The following ODAD2 variants were observed in gnomAD, a reference collection of about 807,000 sequenced individuals.
ODAD2 encodes the protein outer dynein arm docking complex subunit 2.
Under a neutral mutation model 106.8 loss-of-function variants are expected in ODAD2, and 89 were observed. That is an observed-to-expected ratio of 0.83 (90% CI 0.70 to 0.99). The LOEUF (loss-of-function observed/expected upper bound fraction) is 0.99. Ranked by LOEUF, ODAD2 falls within the 50% of genes least tolerant of loss-of-function variation. The pLI, the probability that ODAD2 is intolerant of heterozygous loss-of-function variation, is 0.00. For missense variants in ODAD2, 1,168 were observed against 1,238.5 expected (o/e 0.94, Z 0.85); for synonymous variants, 404 against 436.2 (o/e 0.93, Z 0.92).
chr10:27,896,365 C>T (rs1421175616), intron 17 of ODAD2, among the ~76,000 whole-genome samples: 1 of 152,142 alleles, frequency 6.6e-6, no homozygotes, highest in Non-Finnish European at 1.5e-5. Flanking sequence ...ATTAGGATCC[C>T]TTTGATAACT....
intron 10 of ODAD2, among the ~76,000 whole-genome samples, chr10:27,959,692 T>G (rs1847990614): frequency 6.6e-6 from 1 of 152,136 alleles, no homozygotes; most frequent in African/African-American, 2.4e-5. Flanking sequence ...CCTAGGAATT[T>G]TCATGAGTTC....
chr10:27,827,064 A>C (rs1031010422), intron 19 of ODAD2, among the ~76,000 whole-genome samples: 1 of 152,154 alleles, frequency 6.6e-6, no homozygotes, highest in Admixed American at 6.5e-5. Flanking sequence ...ACTTTTCAAT[A>C]ACACTTGTCC....
At chr10:27,936,195 A>G (rs867607413) in intron 15 of ODAD2, among the ~76,000 whole-genome samples, 4 of 152,240 alleles carry the variant, frequency 2.6e-5, no homozygotes, top group Middle Eastern at 3.2e-3. Context: ...TCTCTCAAAA[A>G]TAGGAAGAGA....
At chr10:27,996,758 A>C (rs984515248) in intron 1 of ODAD2, among the ~76,000 whole-genome samples, 1 of 152,202 alleles carries the variant, frequency 6.6e-6, no homozygotes, top group Non-Finnish European at 1.5e-5. Flanking sequence ...AAATGACACC[A>C]TTGATGGCAA....
intron 19 of ODAD2, among the ~76,000 whole-genome samples, chr10:27,838,557 A>C (rs1838074965): frequency 6.6e-6 from 1 of 152,230 alleles, no homozygotes; most frequent in Non-Finnish European, 1.5e-5. Flanking sequence ...GTGGTTTAGC[A>C]AAAGGGCCAA....
chr10:27,839,160 TC>T (rs1838126397), intron 19 of ODAD2, among the ~76,000 whole-genome samples: 1 of 152,194 alleles, frequency 6.6e-6, no homozygotes, highest in Admixed American at 6.6e-5. Context: ...GGAATAACTC[TC>T]CCGTCCAAAA....
chr10:27,925,784 A>C (rs1845212370), intron 16 of ODAD2, among the ~76,000 whole-genome samples: 1 of 152,218 alleles, frequency 6.6e-6, no homozygotes, highest in Non-Finnish European at 1.5e-5. Flanking sequence ...ATTATGAACA[A>C]GACAAAGAGG....
At chr10:27,989,719 C>T (rs755625187) in intron 2 of ODAD2, among the ~76,000 whole-genome samples, 4 of 152,124 alleles carry the variant, frequency 2.6e-5, no homozygotes, top group Non-Finnish European at 5.9e-5. Context: ...CATGGTGGCA[C>T]GTGCTTTGGT....
In ODAD2 at chr10:27,842,330, A is replaced by G. The variant is rs370801863; in HGVS notation, c.3021+18295T>C. On this transcript the variant is annotated intron_variant, in intron 19 of 19. Coordinates refer to ENST00000305242, the MANE Select transcript of ODAD2 (RefSeq NM_018076.5). The stretch of plus-strand genomic sequence containing the variant: ...TCCTGCCCATGTGGAGAATCTCTAC[A>G]CTGTATCTTTATTTCATTTCTTTGA... 1.5e-4 allele frequency among the ~76,000 whole-genome samples: 23 copies of G among 152,254 alleles called. 1 individual carries two copies. The South Asian group carries it at 3.9e-3, about 26-fold the overall frequency.
At chr10:27,855,546 T>C (rs994031315) in intron 19 of ODAD2, among the ~76,000 whole-genome samples, 2 of 152,220 alleles carry the variant, frequency 1.3e-5, no homozygotes, top group Non-Finnish European at 2.9e-5. Context: ...TATATTTAGA[T>C]AAAACATTAA....
intron 10 of ODAD2, among the ~76,000 whole-genome samples, chr10:27,947,769 A>AGT (rs1847041123): frequency 6.6e-6 from 1 of 152,196 alleles, no homozygotes. Context: ...GACATGGAAC[A>AGT]GTGTGTCATA....
chr10:27,974,442 A>T (rs932668599), intron 7 of ODAD2, among the ~76,000 whole-genome samples: 1 of 152,236 alleles, frequency 6.6e-6, no homozygotes, highest in Admixed American at 6.5e-5. Flanking sequence ...AATCTTCTGC[A>T]TATGGCTAGC....
At position 27,944,949 on chromosome 10, in the gene ODAD2, G is replaced by A. The variant is rs750072681; in HGVS notation, c.1400C>T (p.Thr467Ile). The A allele has an allele frequency of 5.0e-6, 8 of 1,614,088 alleles. No individual in the cohort carries two copies. The East Asian group carries it at 1.6e-4, about 31-fold the overall frequency. ...TGAACACAACGCAATCACTGTAGCT[G>A]TTTGATTTCCTCCCTACAAAGATGC... ...LVKYLKGGNQ[T>I]ATVIALCSMR... The change falls in exon 11 of 20, where the codon ACA becomes ATA. Residue 467 changes from threonine (T) to isoleucine (I), a missense_variant. This residue lies in a region of ODAD2 where 37 missense variants were observed against 74.1 expected (regional missense o/e 0.50). Transcript: ENST00000305242.
intron 13 of ODAD2, 52 bp from the exon 14 acceptor site, chr10:27,940,059 C>G (rs745562035): frequency 1.0e-5 from 13 of 1,255,040 alleles, no homozygotes; most frequent in Non-Finnish European, 1.5e-5. Flanking sequence ...ATATAAGTAA[C>G]TGTTTACATT....
chr10:27,841,040 T>A (rs1215775584), intron 19 of ODAD2, among the ~76,000 whole-genome samples: 1 of 152,202 alleles, frequency 6.6e-6, no homozygotes, highest in Non-Finnish European at 1.5e-5. Flanking sequence ...TTATTCTTTT[T>A]AAAATAGATC....
chr10:27,857,264 T>C (rs748327180), intron 19 of ODAD2, among the ~76,000 whole-genome samples: 8 of 152,236 alleles, frequency 5.3e-5, no homozygotes, highest in South Asian at 2.1e-4. Context: ...CTCTTCCTTA[T>C]GATTCTCATA....
intron 17 of ODAD2, among the ~76,000 whole-genome samples, chr10:27,878,353 A>G (rs1841483874): frequency 6.6e-6 from 1 of 152,240 alleles, no homozygotes. Flanking sequence ...TTGAGACATT[A>G]TTTACAGATT....
chr10:27,979,440 A>C (rs1849404641), intron 7 of ODAD2, among the ~76,000 whole-genome samples: 1 of 129,322 alleles, frequency 7.7e-6, no homozygotes, highest in African/African-American at 3.1e-5. Flanking sequence ...ACACACACAC[A>C]CCCATACACA....
intron 10 of ODAD2, among the ~76,000 whole-genome samples, chr10:27,955,060 C>A (rs1847623616): frequency 6.6e-6 from 1 of 152,132 alleles, no homozygotes; most frequent in Admixed American, 6.5e-5. Flanking sequence ...AAAGCTCAAC[C>A]CACATCAATG....
Sources: gnomAD v4.1 joint callset for allele counts (sites outside exome capture counted in the v4.1 genomes callset) on GRCh38, gnomAD v4.1.1 for gene constraint, gnomAD v4.1.1 regional missense constraint, MANE v1.5 for transcripts, NCBI Gene and HGNC (gene_info 2026-07-23, HGNC 2026-07-21) for gene names.